The following OSBPL6 variants were observed in gnomAD, a reference collection of about 807,000 sequenced individuals.
OSBPL6 encodes oxysterol binding protein like 6.
In OSBPL6, 49 loss-of-function variants were observed where a neutral mutation model predicts 125.8. That is an observed-to-expected ratio of 0.39 (90% CI 0.31 to 0.49). The LOEUF (loss-of-function observed/expected upper bound fraction) is 0.49. Ranked by LOEUF, OSBPL6 falls within the 20% of genes least tolerant of loss-of-function variation. The pLI, the probability that OSBPL6 is intolerant of heterozygous loss-of-function variation, is 0.88. For missense variants in OSBPL6, 986 were observed against 1,135.4 expected, an observed-to-expected ratio of 0.87 and a Z score of 1.89; for synonymous variants, 394 against 391.8, an observed-to-expected ratio of 1.01 and a Z score of -0.07.
chr2:178,386,124 G>T (rs1454151539), intron 19 of OSBPL6, among the ~76,000 whole-genome samples: 1 of 152,158 alleles, frequency 6.6e-6, no homozygotes, highest in African/African-American at 2.4e-5. Context: ...TGTTTGGAAG[G>T]GTGCTTCATT....
At chr2:178,215,010 C>T (rs1011361865) in intron 1 of OSBPL6, among the ~76,000 whole-genome samples, 2 of 151,196 alleles carry the variant, frequency 1.3e-5, no homozygotes, top group South Asian at 2.1e-4. Flanking sequence ...AATAACTAGA[C>T]GGTAGCTTGT....
intron 13 of OSBPL6, among the ~76,000 whole-genome samples, chr2:178,366,689 A>T (rs192445041): frequency 6.6e-6 from 1 of 152,356 alleles, no homozygotes; most frequent in East Asian, 1.9e-4. Flanking sequence ...CATATCTGTC[A>T]TCCTCCCTGT....
chr2:178,251,613 G>T, intron 1 of OSBPL6, among the ~76,000 whole-genome samples: 1 of 152,096 alleles, frequency 6.6e-6, no homozygotes, highest in East Asian at 1.9e-4. Context: ...ACCTGTGTTA[G>T]GGATCTTTTA....
chr2:178,389,795 A>G (rs1195172450), intron 21 of OSBPL6, among the ~76,000 whole-genome samples: 1 of 152,234 alleles, frequency 6.6e-6, no homozygotes, highest in Non-Finnish European at 1.5e-5. Context: ...AACATAGTAT[A>G]GAAACCCCAC....
chr2:178,215,111 AAG>A (rs1173874609), intron 1 of OSBPL6, among the ~76,000 whole-genome samples: 4 of 151,934 alleles, frequency 2.6e-5, no homozygotes, highest in Admixed American at 6.6e-5. Flanking sequence ...AAAAAAAAAA[AAG>A]AAAAAACAGA....
chr2:178,389,200 T>C (rs754798741), intron 21 of OSBPL6, 47 bp downstream of exon 21: 18 of 1,572,086 alleles, frequency 1.1e-5, no homozygotes, highest in Non-Finnish European at 1.6e-5. Flanking sequence ...ATAAAATGCT[T>C]CTTAAAGAAG....
At position 178,354,013 on chromosome 2, in the gene OSBPL6, A is replaced by G. The variant is rs147449633; in HGVS notation, c.1153+4624A>G. On this transcript the variant is annotated intron_variant, in intron 12 of 24. Coordinates refer to ENST00000190611, the MANE Select transcript of OSBPL6 (RefSeq NM_032523.4). ...AAGCTTCATAAGAAAGAGAAATAAA[A>G]TCCTTTACAGACAAGCAAATGCTGG... Among the ~76,000 whole-genome samples, 1,460 of 152,262 alleles carry G rather than the reference A, an allele frequency of 9.6e-3. 23 individuals are homozygous for G. Among genetic ancestry groups the G allele is most frequent in the African/African-American group, 0.034 (1,392 of 41,530 alleles).
At chr2:178,281,553 C>G (rs1684173463) in intron 1 of OSBPL6, among the ~76,000 whole-genome samples, 1 of 152,054 alleles carries the variant, frequency 6.6e-6, no homozygotes, top group Non-Finnish European at 1.5e-5. Context: ...TTGTTTTTGT[C>G]ACGTTTGTCA....
At chr2:178,326,284 G>T (rs187586031) in intron 4 of OSBPL6, among the ~76,000 whole-genome samples, 366 of 152,058 alleles carry the variant, frequency 2.4e-3, no homozygotes, top group East Asian at 2.9e-3. Context: ...AAATGTCTCT[G>T]TTTTTTCCAA....
chr2:178,220,213 A>G (rs947125637), intron 1 of OSBPL6, among the ~76,000 whole-genome samples: 2 of 152,096 alleles, frequency 1.3e-5, no homozygotes, highest in African/African-American at 4.8e-5. Context: ...CTGATTGACT[A>G]CCTTGGATTA....
intron 1 of OSBPL6, among the ~76,000 whole-genome samples, chr2:178,235,398 C>CTTTTTTTTTTTTTTTTTTTTTT (rs540269327): frequency 3.8e-5 from 3 of 78,024 alleles, no homozygotes; most frequent in Non-Finnish European, 4.9e-5. Flanking sequence ...CTTTTCTTTT[C>CTTTTTTTTTTTTTTTTTTTTTT]TTTTTTTTTT....
intron 12 of OSBPL6, among the ~76,000 whole-genome samples, chr2:178,353,055 CA>C (rs1264509633): frequency 1.3e-5 from 2 of 152,116 alleles, no homozygotes; most frequent in African/African-American, 4.8e-5. Flanking sequence ...TCAATATCAA[CA>C]AAAAGGTCAT....
At chr2:178,357,533 G>C (rs1691917284) in intron 12 of OSBPL6, among the ~76,000 whole-genome samples, 1 of 152,150 alleles carries the variant, frequency 6.6e-6, no homozygotes, top group African/African-American at 2.4e-5. Context: ...ACTACAATGA[G>C]ATACCATCTC....
At position 178,384,111 on chromosome 2, in the gene OSBPL6, C is replaced by T; in HGVS notation, c.1948C>T (p.Pro650Ser). The change falls in exon 18 of 25, where the codon CCA (proline) becomes TCA (serine). Residue 650 changes from proline (P) to serine (S), a missense_variant. Transcript: ENST00000190611. ...CAGAGCAGGAAGTAAGCCATTCAAC[C>T]CAGTCCTTGGGGAGACTTATGAATG... ...YFRAGSKPFN[P>S]VLGETYECIR... The T allele has an allele frequency of 3.7e-6, 6 of 1,614,132 alleles. No homozygotes were observed. Among genetic ancestry groups the T allele is most frequent in the Non-Finnish European group, 5.1e-6 (6 of 1,179,982 alleles).
chr2:178,318,190 C>T (rs1359913191), intron 3 of OSBPL6, among the ~76,000 whole-genome samples: 1 of 152,126 alleles, frequency 6.6e-6, no homozygotes, highest in East Asian at 1.9e-4. Flanking sequence ...ATCAATGGAC[C>T]ACTTGATGGG....
intron 2 of OSBPL6, among the ~76,000 whole-genome samples, chr2:178,300,685 T>C (rs1276721419): frequency 6.6e-6 from 1 of 152,230 alleles, no homozygotes; most frequent in Non-Finnish European, 1.5e-5. Context: ...GGTCTTGAAC[T>C]ACTGGCCTCA....
chr2:178,361,415 G>C (rs373847659), intron 12 of OSBPL6, among the ~76,000 whole-genome samples: 7 of 152,172 alleles, frequency 4.6e-5, no homozygotes, highest in African/African-American at 1.7e-4. Flanking sequence ...CATTGATCTT[G>C]ATATTTTACA....
rs72947480 is a variant in OSBPL6 at position 178,287,149 on chromosome 2, T to A, written c.-156+2028T>A. Among the ~76,000 whole-genome samples, 696 of 125,454 alleles carry A rather than the reference T, an allele frequency of 5.5e-3. 2 individuals are homozygous for A. Among genetic ancestry groups the A allele is most frequent in the South Asian group, 0.019 (75 of 3,946 alleles). 82.3% of individuals were successfully genotyped at this position (125,454 alleles called of 152,430 possible). On this transcript the variant is annotated intron_variant, in intron 2 of 24. Coordinates refer to ENST00000190611, the MANE Select transcript of OSBPL6 (RefSeq NM_032523.4). ...CCTAAAACAATGGTTCTTCTTTTTT[T>A]AAAAAAAAAAAAAAAAAAAACAAAT...
chr2:178,255,902 G>A (rs1459448085), intron 1 of OSBPL6, among the ~76,000 whole-genome samples: 1 of 152,134 alleles, frequency 6.6e-6, no homozygotes, highest in Non-Finnish European at 1.5e-5. Context: ...GAAAACGTTT[G>A]GTCCAGAATC....
Sources: gnomAD v4.1 joint callset for allele counts (sites outside exome capture counted in the v4.1 genomes callset) on GRCh38, gnomAD v4.1.1 for gene constraint, MANE v1.5 for transcripts, NCBI Gene and HGNC (gene_info 2026-07-23, HGNC 2026-07-21) for gene names.